Variants in PLPPR1 observed in about 807,000 individuals in gnomAD.
PLPPR1 encodes the protein phospholipid phosphatase related 1, also known as phospholipid phosphatase-related protein type 1.
In PLPPR1, 10 loss-of-function variants were observed where a neutral mutation model predicts 33.1. The ratio of observed to expected loss-of-function variants is 0.30; its 90% CI spans 0.19 to 0.51. The LOEUF (loss-of-function observed/expected upper bound fraction) is 0.51. Ranked by LOEUF, PLPPR1 falls within the 20% of genes least tolerant of loss-of-function variation. The pLI is 0.97. For synonymous variants in PLPPR1, 151 were observed against 151.0 expected, an observed-to-expected ratio of 1.00 and a Z score of 0.00; for missense variants, 304 against 408.1, an observed-to-expected ratio of 0.74 and a Z score of 2.20.
At chr9:101,066,236 G>T (rs1472549877) in intron 1 of PLPPR1, among the ~76,000 whole-genome samples, 1 of 152,018 alleles carries the variant, frequency 6.6e-6, no homozygotes, top group Non-Finnish European at 1.5e-5. Flanking sequence ...GGATTTGGGG[G>T]ATGAAAATAG....
intron 4 of PLPPR1, among the ~76,000 whole-genome samples, chr9:101,290,030 A>T (rs1223957320): frequency 6.6e-6 from 1 of 152,172 alleles, no homozygotes; most frequent in African/African-American, 2.4e-5. Context: ...TTCCTGTAGG[A>T]GGGGTGAAGG....
chr9:101,215,279 CTTTTT>C (rs1390567635), intron 2 of PLPPR1, among the ~76,000 whole-genome samples: 1 of 151,638 alleles, frequency 6.6e-6, no homozygotes, highest in Non-Finnish European at 1.5e-5. Flanking sequence ...GATACTAGGT[CTTTTT>C]TTATTTTTTT....
At chr9:101,270,186 C>T in intron 3 of PLPPR1, 118 bp downstream of exon 3, 1 of 1,002,798 alleles carries the variant, frequency 1.0e-6, no homozygotes, top group Non-Finnish European at 1.5e-6. Context: ...TCAGTGGCAT[C>T]CTATTTCAGC....
chr9:101,292,262 A>G (rs916132393), intron 4 of PLPPR1, among the ~76,000 whole-genome samples: 5 of 152,156 alleles, frequency 3.3e-5, no homozygotes, highest in East Asian at 3.9e-4. Flanking sequence ...AAAGAAATGA[A>G]CAAAGCCTCC....
rs573436916 is a variant in PLPPR1 at position 101,057,062 on chromosome 9, C to T, written c.-46+27960C>T. ...AAACATACCTAATGCATGAAGCCTG[C>T]CAGTGTTTATGTTGTTCTGCCCACC... is the stretch of plus-strand genomic sequence containing the variant. On this transcript the variant is annotated intron_variant, in intron 1 of 7. Transcript: ENST00000374874. 3.5e-4 allele frequency among the ~76,000 whole-genome samples: 53 copies of T among 152,282 alleles called. 1 individual carries two copies. The highest frequency in any genetic ancestry group is 1.3e-3 in the African/African-American group (52 of 41,568).
intron 4 of PLPPR1, among the ~76,000 whole-genome samples, chr9:101,290,180 T>C (rs896313607): frequency 6.6e-6 from 1 of 152,088 alleles, no homozygotes; most frequent in East Asian, 1.9e-4. Flanking sequence ...AATAAGGGAG[T>C]AATCAAAATA....
At chr9:101,072,247 AT>A (rs1830490618) in intron 1 of PLPPR1, among the ~76,000 whole-genome samples, 1 of 152,104 alleles carries the variant, frequency 6.6e-6, no homozygotes, top group South Asian at 2.1e-4. Context: ...TCTCCTCCAA[AT>A]TGTGACTCAA....
rs562218776 is a variant in PLPPR1, at chr9:101,060,694, A to G, written c.-46+31592A>G. 5.8e-4 allele frequency among the ~76,000 whole-genome samples: 88 copies of G among 151,950 alleles called. 1 individual carries two copies. In the South Asian group the frequency reaches 0.018, roughly 30 times the overall value. ...ATTAAAAATAATGAGTGTAAGCTTT[A>G]CACTCTGTAGCAAGATACAGGGATT... On this transcript the variant is annotated intron_variant, in intron 1 of 7. Transcript: ENST00000374874.
intron 1 of PLPPR1, among the ~76,000 whole-genome samples, chr9:101,102,183 T>C (rs1239764917): frequency 2.3e-5 from 3 of 129,580 alleles, no homozygotes; most frequent in African/African-American, 9.5e-5. Context: ...TTAGGGTACA[T>C]GTGCACATTG....
At chr9:101,291,002 G>A (rs562505342) in intron 4 of PLPPR1, among the ~76,000 whole-genome samples, 275 of 152,358 alleles carry the variant, frequency 1.8e-3, no homozygotes, top group African/African-American at 6.1e-3. Flanking sequence ...CTCGGGAAGT[G>A]CAAGGGGTCA....
In PLPPR1 at chr9:101,282,901, G is replaced by A. The variant is rs187940391; in HGVS notation, c.253-3203G>A. ...AGAAATTGGAGTTGCAAAAGAATGGGAAGATATTCTATGTTCATGGATTGG... is the reference window on the plus strand; with the variant it reads ...AGAAATTGGAGTTGCAAAAGAATGGAAAGATATTCTATGTTCATGGATTGG... On this transcript the variant is annotated intron_variant, in intron 3 of 7. Transcript: ENST00000374874. Among the ~76,000 whole-genome samples, 18 of 152,258 alleles carry A rather than the reference G, an allele frequency of 1.2e-4. 1 individual carries two copies. In the East Asian group the frequency reaches 3.5e-3, roughly 29 times the overall value.
chr9:101,116,569 C>T (rs1340123054), intron 1 of PLPPR1, among the ~76,000 whole-genome samples: 1 of 152,086 alleles, frequency 6.6e-6, no homozygotes, highest in Non-Finnish European at 1.5e-5. Context: ...AATCCCAGGA[C>T]TTTGGGAGGC....
At chr9:101,030,345 A>C (rs1176747679) in intron 1 of PLPPR1, among the ~76,000 whole-genome samples, 1 of 151,020 alleles carries the variant, frequency 6.6e-6, no homozygotes, top group Non-Finnish European at 1.5e-5. Context: ...GAGGGGACGT[A>C]CACTACAGCC....
chr9:101,263,475 G>A (rs1051723207), intron 2 of PLPPR1, among the ~76,000 whole-genome samples: 1 of 152,064 alleles, frequency 6.6e-6, no homozygotes, highest in African/African-American at 2.4e-5. Context: ...TTTGATGAAA[G>A]CTGATTTTTG....
intron 1 of PLPPR1, among the ~76,000 whole-genome samples, chr9:101,155,604 CTT>C (rs35982232): frequency 1.4e-4 from 20 of 144,088 alleles, no homozygotes; most frequent in Admixed American, 2.0e-4. Context: ...CTCTCTCTCT[CTT>C]TTTTTTTTTT....
intron 1 of PLPPR1, among the ~76,000 whole-genome samples, chr9:101,050,160 A>G (rs866086250): frequency 3.6e-4 from 54 of 151,396 alleles, no homozygotes; most frequent in African/African-American, 1.2e-3. Flanking sequence ...AGTATAAGCA[A>G]TTCTCTGAGT....
intron 4 of PLPPR1, among the ~76,000 whole-genome samples, chr9:101,307,489 A>G (rs1828877958): frequency 6.6e-6 from 1 of 152,206 alleles, no homozygotes; most frequent in African/African-American, 2.4e-5. Flanking sequence ...GACTTCCAGT[A>G]CCTGGGGGTG....
chr9:101,104,507 C>G (rs1186329904), intron 1 of PLPPR1, among the ~76,000 whole-genome samples: 1 of 125,590 alleles, frequency 8.0e-6, no homozygotes. Flanking sequence ...CCCACTTGAT[C>G]ATGGTGGATA....
intron 1 of PLPPR1, among the ~76,000 whole-genome samples, chr9:101,143,228 G>C (rs1026949506): frequency 6.6e-6 from 1 of 152,118 alleles, no homozygotes; most frequent in African/African-American, 2.4e-5. Context: ...TATAGCATTG[G>C]TTTCCAGACT....
Sources: gnomAD v4.1 joint callset for allele counts (sites outside exome capture counted in the v4.1 genomes callset) on GRCh38, gnomAD v4.1.1 for gene constraint, MANE v1.5 for transcripts, NCBI Gene and HGNC (gene_info 2026-07-23, HGNC 2026-07-21) for gene names.